SLC16A7: variants seen among roughly 807,000 people sequenced by gnomAD.
SLC16A7 encodes the protein monocarboxylate transporter 2.
A neutral mutation model predicts 34.9 loss-of-function variants in SLC16A7; 33 were observed. The observed-to-expected ratio is 0.94, with a 90% confidence interval of 0.72 to 1.26. The LOEUF (loss-of-function observed/expected upper bound fraction) is 1.26, where lower values mean the gene tolerates loss of function less well. Ranked by LOEUF, SLC16A7 falls within the 50% of genes most tolerant of loss-of-function variation. The pLI, the probability that SLC16A7 is intolerant of heterozygous loss-of-function variation, is 0.00. For synonymous variants in SLC16A7, 201 were observed against 206.6 expected, an observed-to-expected ratio of 0.97 and a Z score of 0.23; for missense variants, 573 against 578.1, an observed-to-expected ratio of 0.99 and a Z score of 0.09.
In SLC16A7 at chr12:59,764,752, T is replaced by C. The variant is rs566591528; in HGVS notation, c.218-6467T>C. On this transcript the variant is annotated intron_variant, in intron 3 of 5. Coordinates refer to ENST00000547379, the MANE Select transcript of SLC16A7 (RefSeq NM_001270623.2). The stretch of plus-strand genomic sequence containing the variant: ...TATCATTGTTGGACATTTGGGTTGG[T>C]TCCAAGTCTTTGCTATTGTGAATAG... Among the ~76,000 whole-genome samples, 815 of 152,248 alleles carry C rather than the reference T, an allele frequency of 5.4e-3. 11 individuals are homozygous for C. The highest frequency in any genetic ancestry group is 0.019 in the African/African-American group (787 of 41,542).
intron 3 of SLC16A7, among the ~76,000 whole-genome samples, chr12:59,720,550 C>A (rs952749421): frequency 1.3e-5 from 2 of 151,966 alleles, no homozygotes; most frequent in Non-Finnish European, 2.9e-5. Context: ...AATTATATAT[C>A]CAATCCAGAC....
chr12:59,703,654 C>T (rs1873151813), intron 2 of SLC16A7, among the ~76,000 whole-genome samples: 1 of 151,936 alleles, frequency 6.6e-6, no homozygotes, highest in Admixed American at 6.6e-5. Flanking sequence ...CTCTGTCACC[C>T]AGGATGGAGT....
chr12:59,769,239 A>T (rs1485817502), intron 3 of SLC16A7: 1 of 152,206 alleles, frequency 6.6e-6, no homozygotes, highest in Non-Finnish European at 1.5e-5. Context: ...CGTAACTTTT[A>T]TATGCACTGA....
intron 2 of SLC16A7, among the ~76,000 whole-genome samples, chr12:59,687,878 T>G (rs533346179): frequency 6.6e-6 from 1 of 152,100 alleles, no homozygotes. Flanking sequence ...GGCAGTCACA[T>G]GTCCAAACCT....
chr12:59,704,223 AAG>A (rs1873264404), intron 2 of SLC16A7, among the ~76,000 whole-genome samples: 1 of 142,610 alleles, frequency 7.0e-6, no homozygotes, highest in Non-Finnish European at 1.5e-5. Flanking sequence ...AAAAAAGAAA[AAG>A]AAAAAAAAAA....
At chr12:59,652,671 T>C (rs1055661576) in intron 1 of SLC16A7, among the ~76,000 whole-genome samples, 1 of 151,848 alleles carries the variant, frequency 6.6e-6, no homozygotes, top group Non-Finnish European at 1.5e-5. Flanking sequence ...CCTTTTTTTT[T>C]CTTTCCTGTT....
chr12:59,769,140 C>T (rs1881975996), intron 3 of SLC16A7: 1 of 152,158 alleles, frequency 6.6e-6, no homozygotes, highest in Admixed American at 6.5e-5. Context: ...TGATCATTAA[C>T]ATTTTTTAGC....
At chr12:59,694,912 ATTATTTAC>A (rs1373028428) in intron 2 of SLC16A7, among the ~76,000 whole-genome samples, 1 of 151,940 alleles carries the variant, frequency 6.6e-6, no homozygotes, top group Non-Finnish European at 1.5e-5. Flanking sequence ...GTCTTCCTGG[ATTATTTAC>A]CCATTTGTTG....
At chr12:59,672,661 A>G (rs1297883028) in intron 2 of SLC16A7, among the ~76,000 whole-genome samples, 1 of 152,144 alleles carries the variant, frequency 6.6e-6, no homozygotes, top group Admixed American at 6.6e-5. Flanking sequence ...TGTTTCTATC[A>G]CCATGTGCTT....
intron 3 of SLC16A7, among the ~76,000 whole-genome samples, chr12:59,730,456 T>C (rs748636347): frequency 5.3e-5 from 8 of 152,020 alleles, no homozygotes; most frequent in Non-Finnish European, 8.8e-5. Flanking sequence ...GTGGGATATA[T>C]GTTAGCATAT....
intron 1 of SLC16A7, among the ~76,000 whole-genome samples, chr12:59,611,202 T>C (rs1592387776): frequency 6.6e-6 from 1 of 152,328 alleles, no homozygotes; most frequent in East Asian, 1.9e-4. Flanking sequence ...AAAGGAAAGA[T>C]GTTTAATTGA....
At chr12:59,631,727 C>G (rs1880191242) in intron 1 of SLC16A7, among the ~76,000 whole-genome samples, 1 of 152,088 alleles carries the variant, frequency 6.6e-6, no homozygotes, top group East Asian at 1.9e-4. Flanking sequence ...CTCCTTATGT[C>G]CATGTGTTCT....
intron 1 of SLC16A7, among the ~76,000 whole-genome samples, chr12:59,602,440 A>T (rs1399698867): frequency 2.4e-5 from 3 of 127,390 alleles, no homozygotes; most frequent in Non-Finnish European, 1.6e-5. Flanking sequence ...TTCACCTCGT[A>T]TTCAATATAA....
At position 59,602,218 on chromosome 12, in the gene SLC16A7, T is replaced by A. The variant is rs530970691; in HGVS notation, c.-130+5982T>A. Among the ~76,000 whole-genome samples the A allele has an allele frequency of 2.4e-4, 36 of 152,324 alleles. No individual in the cohort carries two copies. The South Asian group carries it at 6.6e-3, about 28-fold the overall frequency. ...ATAAAAATATTTTGTTTTGAAACAA[T>A]GAGTTCTTTATTAGTAAGGCATAAC... On this transcript the variant is annotated intron_variant, in intron 1 of 5. Transcript: ENST00000547379.
At chr12:59,635,704 A>G (rs1463111140) in intron 1 of SLC16A7, among the ~76,000 whole-genome samples, 1 of 152,048 alleles carries the variant, frequency 6.6e-6, no homozygotes, top group Non-Finnish European at 1.5e-5. Context: ...CTATTTTGAC[A>G]AGACTCCTGT....
At chr12:59,648,996 A>C (rs1333731647) in intron 1 of SLC16A7, among the ~76,000 whole-genome samples, 1 of 152,166 alleles carries the variant, frequency 6.6e-6, no homozygotes, top group Non-Finnish European at 1.5e-5. Context: ...TCAGAGTGAT[A>C]CAGATTAGTG....
chr12:59,755,341 T>C (rs550370892), intron 3 of SLC16A7, among the ~76,000 whole-genome samples: 62 of 152,332 alleles, frequency 4.1e-4, no homozygotes, highest in African/African-American at 1.4e-3. Flanking sequence ...GACATGATTG[T>C]ATACCTAGAA....
At chr12:59,600,416 A>G (rs911177351) in intron 1 of SLC16A7, among the ~76,000 whole-genome samples, 2 of 152,118 alleles carry the variant, frequency 1.3e-5, no homozygotes, top group African/African-American at 4.8e-5. Context: ...TGATTAAGAA[A>G]TATCTTGGGA....
chr12:59,757,526 CT>C (rs1880524937), intron 3 of SLC16A7, among the ~76,000 whole-genome samples: 2 of 152,154 alleles, frequency 1.3e-5, no homozygotes, highest in South Asian at 4.2e-4. Flanking sequence ...GATACAGGCA[CT>C]GGAACTAAAG....
Sources: gnomAD v4.1 joint callset for allele counts (sites outside exome capture counted in the v4.1 genomes callset) on GRCh38, gnomAD v4.1.1 for gene constraint, MANE v1.5 for transcripts, NCBI Gene and HGNC (gene_info 2026-07-23, HGNC 2026-07-21) for gene names.